CA5A: variants seen among roughly 807,000 people sequenced by gnomAD.
CA5A encodes carbonic anhydrase 5A, mitochondrial.
Under a neutral mutation model 37.1 loss-of-function variants are expected in CA5A, and 28 were observed. The observed-to-expected ratio is 0.75, with a 90% CI of 0.56 to 1.03. The LOEUF is 1.03. CA5A is among the 50% of genes least tolerant of loss of function. The pLI is 0.00. For synonymous variants in CA5A, 171 were observed against 158.4 expected, an observed-to-expected ratio of 1.08 and a Z score of -0.60; for missense variants, 444 against 399.9, an observed-to-expected ratio of 1.11 and a Z score of -0.94.
intron 1 of CA5A, among the ~76,000 whole-genome samples, chr16:87,933,199 C>A (rs989020584): frequency 6.6e-6 from 1 of 152,176 alleles, no homozygotes; most frequent in African/African-American, 2.4e-5. Flanking sequence ...GTTTAATAAG[C>A]CGTTCTCCCA....
intron 2 of CA5A, among the ~76,000 whole-genome samples, chr16:87,910,017 G>A (rs1194991236): frequency 6.6e-6 from 1 of 152,162 alleles, no homozygotes; most frequent in Non-Finnish European, 1.5e-5. Flanking sequence ...TAGGACTGCT[G>A]TTACGGTTAA....
chr16:87,895,821 C>T (rs2055793918), intron 5 of CA5A, among the ~76,000 whole-genome samples: 1 of 152,196 alleles, frequency 6.6e-6, no homozygotes, highest in African/African-American at 2.4e-5. Flanking sequence ...CTCACCCACA[C>T]CGCAGCATGA....
At chr16:87,903,966 T>C (rs1474194195) in intron 3 of CA5A, among the ~76,000 whole-genome samples, 1 of 152,156 alleles carries the variant, frequency 6.6e-6, no homozygotes, top group Non-Finnish European at 1.5e-5. Context: ...CCAAAAAAAC[T>C]ACAAAAACCA....
At chr16:87,934,777 T>C (rs1488829019) in intron 1 of CA5A, among the ~76,000 whole-genome samples, 2 of 152,124 alleles carry the variant, frequency 1.3e-5, no homozygotes, top group East Asian at 3.9e-4. Context: ...CTGGCCAACA[T>C]GGCGAAATCC....
intron 2 of CA5A, among the ~76,000 whole-genome samples, chr16:87,909,031 C>T (rs1173501751): frequency 6.7e-6 from 1 of 149,576 alleles, no homozygotes; most frequent in South Asian, 2.1e-4. Flanking sequence ...CGGGGTTTCA[C>T]CATGTTGGCC....
downstream of CA5A, chr16:87,887,166 G>C (rs1480385750): frequency 6.6e-6 from 1 of 152,138 alleles, no homozygotes; most frequent in Non-Finnish European, 1.5e-5. Flanking sequence ...GCCTCCCAAA[G>C]TGCTGGGATT....
intron 1 of CA5A, among the ~76,000 whole-genome samples, chr16:87,934,133 A>G (rs2056441376): frequency 6.6e-6 from 1 of 152,260 alleles, no homozygotes; most frequent in Non-Finnish European, 1.5e-5. Context: ...GCGTCTAGCA[A>G]GGGCTTCCTG....
intron 1 of CA5A, among the ~76,000 whole-genome samples, chr16:87,930,184 C>G (rs912562766): frequency 6.6e-6 from 1 of 152,128 alleles, no homozygotes; most frequent in Non-Finnish European, 1.5e-5. Context: ...TTTTTCTGGC[C>G]CGTGCATTCC....
chr16:87,896,481 G>A (rs2055804687), intron 5 of CA5A, among the ~76,000 whole-genome samples: 1 of 152,194 alleles, frequency 6.6e-6, no homozygotes, highest in African/African-American at 2.4e-5. Flanking sequence ...TATGCATGTG[G>A]TGATCCTCAG....
chr16:87,894,586 A>G (rs80219445), intron 5 of CA5A, among the ~76,000 whole-genome samples: 1 of 150,246 alleles, frequency 6.7e-6, no homozygotes. Flanking sequence ...AAAAAAAAAA[A>G]CAGCATTATA....
intron 5 of CA5A, among the ~76,000 whole-genome samples, chr16:87,897,480 G>A (rs563537306): frequency 1.1e-4 from 16 of 152,042 alleles, no homozygotes; most frequent in East Asian, 3.9e-4. Context: ...GTGACAGGTC[G>A]GCACTGGTAG....
rs539734802 is a variant in CA5A at position 87,905,095 on chromosome 16, C to G, written c.341-191G>C. Among the ~76,000 whole-genome samples, 9 of 152,124 alleles carry G rather than the reference C, an allele frequency of 5.9e-5. No homozygotes were observed. In the South Asian group the frequency reaches 6.2e-4, roughly 11 times the overall value. On this transcript the variant is annotated intron_variant, in intron 2 of 6. Coordinates refer to ENST00000649794, the MANE Select transcript of CA5A (RefSeq NM_001739.2). ...TCTGTCCCATTCACTCTGCCCCCCC[C>G]CAGCCCAGCGCCTGCCCAGAGGTTC...
chr16:87,925,653 TAG>T, intron 2 of CA5A: 1 of 152,002 alleles, frequency 6.6e-6, no homozygotes, highest in African/African-American at 2.4e-5. Flanking sequence ...ATAATAGGCA[TAG>T]AGAGAACCTT....
downstream of CA5A, chr16:87,886,825 C>T (rs771843947): frequency 9.2e-5 from 14 of 152,230 alleles, no homozygotes; most frequent in Non-Finnish European, 1.0e-4. Context: ...CTTCTAGACA[C>T]GCTATTCTTT....
intron 5 of CA5A, chr16:87,892,822 AT>A: frequency 3.4e-6 from 1 of 294,094 alleles, no homozygotes; most frequent in Non-Finnish European, 6.3e-6. Flanking sequence ...CGCCCAGCTA[AT>A]TTTTGTATTT....
At chr16:87,910,490 G>A (rs1276884062) in intron 2 of CA5A, among the ~76,000 whole-genome samples, 1 of 152,186 alleles carries the variant, frequency 6.6e-6, no homozygotes, top group Non-Finnish European at 1.5e-5. Context: ...AGCTTTTGTA[G>A]TAGGGTTCAG....
intron 6 of CA5A, among the ~76,000 whole-genome samples, chr16:87,889,667 G>C (rs1287179720): frequency 6.6e-6 from 1 of 152,052 alleles, no homozygotes; most frequent in Non-Finnish European, 1.5e-5. Flanking sequence ...AGCTACTTGG[G>C]AGGGTGAGGC....
chr16:87,889,709 T>C (rs1002362812), intron 6 of CA5A, among the ~76,000 whole-genome samples: 7 of 151,982 alleles, frequency 4.6e-5, no homozygotes, highest in Admixed American at 2.6e-4. Context: ...GAGGCGGAGC[T>C]TGTGGTGAGC....
At chr16:87,888,919 A>AT (rs56196809) in intron 6 of CA5A, among the ~76,000 whole-genome samples, 30,102 of 136,090 alleles carry the variant, frequency 0.22, 3,543 homozygotes, top group Middle Eastern at 0.35. Context: ...CGCCCGGCTA[A>AT]TTTTTTTTTT....
Sources: gnomAD v4.1 joint callset for allele counts (sites outside exome capture counted in the v4.1 genomes callset) on GRCh38, gnomAD v4.1.1 for gene constraint, MANE v1.5 for transcripts, NCBI Gene and HGNC (gene_info 2026-07-23, HGNC 2026-07-21) for gene names.